Variants in KAZN observed in about 807,000 individuals in gnomAD.
KAZN encodes kazrin.
KAZN carries 40 observed loss-of-function variants against 87.4 expected under a neutral mutation model. The ratio of observed to expected loss-of-function variants is 0.46; its 90% confidence interval spans 0.36 to 0.60. The LOEUF (loss-of-function observed/expected upper bound fraction) is 0.60. Among genes scored for constraint, KAZN ranks in the 20% least tolerant of loss-of-function variants. The probability of loss-of-function intolerance (pLI) is 0.00; values close to 1 mark genes in which losing one functional copy is unlikely to be tolerated. For synonymous variants in KAZN, 466 were observed against 458.3 expected, an observed-to-expected ratio of 1.02 and a Z score of -0.22; for missense variants, 898 against 1,073.9, an observed-to-expected ratio of 0.84 and a Z score of 2.29.
At chr1:13,910,962 A>G (rs1639632455) in intron 1 of KAZN, among the ~76,000 whole-genome samples, 1 of 152,100 alleles carries the variant, frequency 6.6e-6, no homozygotes, top group Non-Finnish European at 1.5e-5. Context: ...GCTTCCAATC[A>G]TGATGGAAGA....
chr1:15,074,955 C>A (rs1639673020), intron 8 of KAZN, among the ~76,000 whole-genome samples: 1 of 152,154 alleles, frequency 6.6e-6, no homozygotes, highest in Admixed American at 6.5e-5. Flanking sequence ...ATGACAATGG[C>A]AATGGTGATC....
rs140488015 is a variant in KAZN, at chr1:14,120,400, T to TCA, written c.92-60033_92-60032dup. ...ATGAGAAACCACCCCCACGATCAAA[T>TCA]CACCTCCCACCAGGCCCCACCTCCA... On this transcript the variant is annotated intron_variant, in intron 1 of 16. Transcript: ENST00000636203. Among the ~76,000 whole-genome samples, 765 of 152,076 alleles carry TCA rather than the reference T, an allele frequency of 5.0e-3. 2 individuals carry two copies. Among genetic ancestry groups the TCA allele is most frequent in the African/African-American group, 0.017 (711 of 41,484 alleles).
chr1:14,883,339 A>AGAGAGAGAGAGG lies in KAZN; in HGVS notation c.227-77341_227-77340insGAGAGAGGGAGA, dbSNP rs1557586034. ...AAGAAAGAGAGAGAGAGAGAGAGAGAGAGAAAGAAAGAAAGAAAAGAAAGA... is the reference window on the plus strand; with the variant it reads ...AAGAAAGAGAGAGAGAGAGAGAGAGAGAGAGAGAGAGGGAGAAAGAAAGAAAGAAAAGAAAGA... On this transcript the variant is annotated intron_variant, in intron 1 of 14. Coordinates refer to ENST00000376030, the MANE Select transcript of KAZN (RefSeq NM_201628.3). Among the ~76,000 whole-genome samples the AGAGAGAGAGAGG allele has an allele frequency of 3.1e-4, 13 of 41,654 alleles. 3 individuals are homozygous for AGAGAGAGAGAGG. The highest frequency in any genetic ancestry group is 6.8e-4 in the Admixed American group (2 of 2,956). 27.3% of individuals were successfully genotyped at this position (41,654 alleles called of 152,430 possible). A position where few individuals can be genotyped will look rare whatever the true frequency, so the allele number is the denominator to read the frequency against.
In KAZN at chr1:14,960,774, C is replaced by T. The variant is rs145377594; in HGVS notation, c.317C>T (p.Ser106Leu). Residue 106 changes from serine to leucine, a missense_variant, in exon 2 of 15, where the codon TCG becomes TTG. Physicochemically the swap from Ser to Leu is moderately radical, Grantham distance 145 (BLOSUM62 -2). Transcript: ENST00000376030. The stretch of plus-strand genomic sequence containing the variant: ...ATGTTGGCGAAGGACCTGGAGGAGT[C>T]GCAGGGCGGCAAGTCCTCTGAGGTC... ...KEMLAKDLEE[S>L]QGGKSSEVLS... The T allele has an allele frequency of 8.1e-6, 13 of 1,609,234 alleles. No individual in the cohort carries two copies. The highest frequency in any genetic ancestry group is 1.1e-5 in the South Asian group (1 of 89,814).
chr1:14,964,900 A>G (rs1299182982), intron 2 of KAZN, among the ~76,000 whole-genome samples: 1 of 152,252 alleles, frequency 6.6e-6, no homozygotes, highest in African/African-American at 2.4e-5. Flanking sequence ...CTTGTTTGGG[A>G]AAAACGGGGG....
chr1:14,034,669 C>A (rs2101353298), intron 1 of KAZN, among the ~76,000 whole-genome samples: 1 of 152,310 alleles, frequency 6.6e-6, no homozygotes, highest in African/African-American at 2.4e-5. Context: ...ACACATAGTG[C>A]AACAGATGAC....
At chr1:14,013,770 TG>T (rs1212580846) in intron 1 of KAZN, among the ~76,000 whole-genome samples, 1 of 152,210 alleles carries the variant, frequency 6.6e-6, no homozygotes, top group Non-Finnish European at 1.5e-5. Flanking sequence ...TGTCCGGGGA[TG>T]GCTGCTAGAT....
chr1:14,656,028 A>C (rs1322658262), intron 1 of KAZN, among the ~76,000 whole-genome samples: 1 of 152,190 alleles, frequency 6.6e-6, no homozygotes, highest in Non-Finnish European at 1.5e-5. Context: ...GGCAACCTTC[A>C]TTCAACCCAC....
chr1:14,038,090 G>T (rs2359909), intron 1 of KAZN, among the ~76,000 whole-genome samples: 110,602 of 151,886 alleles, frequency 0.73, 40,336 homozygotes, highest in Admixed American at 0.83. Flanking sequence ...TGTTCAGTAA[G>T]GTTTGTTGGG....
At chr1:14,075,302 G>A (rs1399350502) in intron 1 of KAZN, among the ~76,000 whole-genome samples, 3 of 152,152 alleles carry the variant, frequency 2.0e-5, no homozygotes, top group Non-Finnish European at 4.4e-5. Flanking sequence ...TAAAGCAACT[G>A]CAGCGGAGGT....
intron 2 of KAZN, among the ~76,000 whole-genome samples, chr1:14,372,108 G>A (rs1571427959): frequency 1.3e-5 from 2 of 152,112 alleles, no homozygotes; most frequent in African/African-American, 4.8e-5. Flanking sequence ...ACAAGTAAAA[G>A]GAATTTTTCT....
At chr1:14,500,965 A>G (rs916454945) in intron 2 of KAZN, among the ~76,000 whole-genome samples, 1 of 152,018 alleles carries the variant, frequency 6.6e-6, no homozygotes, top group African/African-American at 2.4e-5. Context: ...AAAAGTTCCC[A>G]CAAAGAAAAG....
intron 2 of KAZN, among the ~76,000 whole-genome samples, chr1:14,250,564 G>A (rs936342123): frequency 8.7e-5 from 13 of 150,090 alleles, no homozygotes; most frequent in African/African-American, 2.9e-4. Context: ...TATTATGAGA[G>A]TTAAAAAAAA....
chr1:15,109,560 T>C (rs1006916368), intron 13 of KAZN, among the ~76,000 whole-genome samples: 4 of 152,236 alleles, frequency 2.6e-5, no homozygotes, highest in African/African-American at 9.6e-5. Context: ...TTTCTATTGT[T>C]ACTCAGAGCT....
chr1:14,567,907 A>T (rs1674637373), intron 2 of KAZN, among the ~76,000 whole-genome samples: 1 of 152,120 alleles, frequency 6.6e-6, no homozygotes, highest in Admixed American at 6.5e-5. Context: ...CACCCCTAAG[A>T]TTCTCACCTC....
chr1:14,416,727 ACT>A (rs755761262), intron 2 of KAZN, among the ~76,000 whole-genome samples: 5 of 151,464 alleles, frequency 3.3e-5, no homozygotes, highest in South Asian at 4.2e-4. Flanking sequence ...ACAGAACAAG[ACT>A]CTGTCTCAAA....
intron 1 of KAZN, among the ~76,000 whole-genome samples, chr1:13,931,568 A>C (rs1029468837): frequency 1.3e-5 from 2 of 152,012 alleles, no homozygotes; most frequent in African/African-American, 4.8e-5. Flanking sequence ...GGGAAGATTA[A>C]ACCAGAAGCA....
rs192548199 is a variant in KAZN at position 14,192,330 on chromosome 1, G to A, written c.249+11738G>A. On this transcript the variant is annotated intron_variant, in intron 2 of 16. Coordinates refer to the KAZN transcript ENST00000636203. ...CCTTTATATGCAATACTGTCCCATT[G>A]ATATTCCATACTTGGTTAGCCACAG... Among the ~76,000 whole-genome samples the A allele has an allele frequency of 2.0e-5, 3 of 152,254 alleles. No homozygotes were observed. In the East Asian group the frequency reaches 5.8e-4, roughly 29 times the overall value.
intron 2 of KAZN, among the ~76,000 whole-genome samples, chr1:14,978,444 A>G (rs970467379): frequency 2.0e-5 from 3 of 152,060 alleles, no homozygotes; most frequent in Admixed American, 6.6e-5. Context: ...GGTCTTGTTG[A>G]TGGGACTGTT....
Sources: allele counts gnomAD v4.1 joint callset (sites outside exome capture counted in the v4.1 genomes callset), GRCh38; gene constraint gnomAD v4.1.1; transcripts MANE v1.5; gene names NCBI Gene and HGNC (gene_info 2026-07-23, HGNC 2026-07-21).